Variants in RNGTT observed in about 807,000 individuals in gnomAD.
RNGTT encodes the protein mRNA-capping enzyme.
RNGTT carries 33 observed loss-of-function variants against 79.3 expected under a neutral mutation model. The observed-to-expected ratio is 0.42, with a 90% confidence interval of 0.32 to 0.56. The LOEUF is 0.56. Ranked by LOEUF, RNGTT falls within the 20% of genes least tolerant of loss-of-function variation. The probability of loss-of-function intolerance (pLI) is 0.17; values close to 1 mark genes in which losing one functional copy is unlikely to be tolerated. For synonymous variants in RNGTT, 222 were observed against 235.9 expected (o/e 0.94, Z 0.54); for missense variants, 497 against 739.1 (o/e 0.67, Z 3.80).
chr6:88,913,113 G>A (rs1783880369), intron 4 of RNGTT, among the ~76,000 whole-genome samples: 1 of 151,000 alleles, frequency 6.6e-6, no homozygotes, highest in African/African-American at 2.4e-5. Flanking sequence ...GCTGAGGCAT[G>A]AGAATTGCTT....
intron 13 of RNGTT, among the ~76,000 whole-genome samples, chr6:88,688,517 T>C (rs570302328): frequency 2.0e-5 from 3 of 152,226 alleles, no homozygotes; most frequent in Admixed American, 2.0e-4. Flanking sequence ...CAGGGCTCCT[T>C]AGAGAAACAG....
intron 8 of RNGTT, among the ~76,000 whole-genome samples, chr6:88,870,625 A>G (rs1407472242): frequency 1.3e-5 from 2 of 152,240 alleles, no homozygotes; most frequent in Non-Finnish European, 2.9e-5. Context: ...AAACACTTCT[A>G]GGGACTTTAA....
chr6:88,713,363 C>T (rs1022351057), intron 13 of RNGTT, among the ~76,000 whole-genome samples: 2 of 151,840 alleles, frequency 1.3e-5, no homozygotes, highest in African/African-American at 4.8e-5. Flanking sequence ...GTTTAAGTTA[C>T]CCAGTCTATG....
Position 88,700,495 on chromosome 6 carries a change from T to C in RNGTT, c.1440-22076A>G, listed in dbSNP as rs540662097. Among the ~76,000 whole-genome samples, 21 of 152,252 alleles carry C rather than the reference T, an allele frequency of 1.4e-4. No individual in the cohort carries two copies. The East Asian group carries it at 3.7e-3, about 27-fold the overall frequency. The stretch of plus-strand genomic sequence containing the variant: ...TCTTTTTTCTTTCTTTTCTCAAGGA[T>C]CTGTAATCTCTTATTTTCTTCCATT... On this transcript the variant is annotated intron_variant, in intron 13 of 15. Transcript: ENST00000369485.
intron 12 of RNGTT, among the ~76,000 whole-genome samples, chr6:88,797,463 A>G (rs1426829708): frequency 2.0e-5 from 3 of 152,166 alleles, no homozygotes; most frequent in Non-Finnish European, 2.9e-5. Context: ...CCTGGATGAA[A>G]TAGTGAAAAG....
rs1432679585 is a variant in RNGTT, at chr6:88,706,420, T to G, written c.1440-28001A>C. ...GGGAAGAAAAAAAGACACTGTAAAT[T>G]TATCTATTTTATATAAATAACTTAG... On this transcript the variant is annotated intron_variant, in intron 13 of 15. Transcript: ENST00000369485. Among the ~76,000 whole-genome samples the G allele has an allele frequency of 3.3e-5, 5 of 152,020 alleles. 1 individual carries two copies. Among genetic ancestry groups the G allele is most frequent in the African/African-American group, 1.2e-4 (5 of 41,368 alleles).
chr6:88,799,427 G>A (rs550852113), intron 12 of RNGTT, among the ~76,000 whole-genome samples: 41 of 152,068 alleles, frequency 2.7e-4, no homozygotes, highest in Middle Eastern at 3.4e-3. Context: ...GGCCCGGCGC[G>A]GTGGCTCACA....
intron 1 of RNGTT, among the ~76,000 whole-genome samples, chr6:88,948,573 T>G (rs1322164542): frequency 1.3e-4 from 18 of 135,630 alleles, no homozygotes; most frequent in South Asian, 2.4e-4. Flanking sequence ...GGGAAGTGAG[T>G]AGCCCCTCTG....
intron 13 of RNGTT, among the ~76,000 whole-genome samples, chr6:88,725,848 A>G (rs1199970488): frequency 6.6e-6 from 1 of 152,166 alleles, no homozygotes; most frequent in Admixed American, 6.5e-5. Flanking sequence ...GAACAGCAGC[A>G]TAAGCGGCTG....
At chr6:88,667,696 G>A (rs1774470134) in intron 14 of RNGTT, among the ~76,000 whole-genome samples, 1 of 152,306 alleles carries the variant, frequency 6.6e-6, no homozygotes, top group South Asian at 2.1e-4. Flanking sequence ...CTCAGACAAT[G>A]GGCCGGCATT....
intron 14 of RNGTT, among the ~76,000 whole-genome samples, chr6:88,632,729 C>T (rs1015064863): frequency 6.6e-6 from 1 of 151,792 alleles, no homozygotes; most frequent in African/African-American, 2.4e-5. Flanking sequence ...GGAAAAAAAT[C>T]TCACAGAATA....
chr6:88,913,751 A>G (rs1202268244), intron 4 of RNGTT, among the ~76,000 whole-genome samples: 1 of 152,184 alleles, frequency 6.6e-6, no homozygotes, highest in Non-Finnish European at 1.5e-5. Context: ...AGCCAACATA[A>G]TACTGAACAG....
chr6:88,824,548 C>T (rs1015772040), intron 11 of RNGTT, among the ~76,000 whole-genome samples: 12 of 152,080 alleles, frequency 7.9e-5, no homozygotes, highest in Non-Finnish European at 1.6e-4. Flanking sequence ...AAATCTAGTT[C>T]CCTCAGCTGC....
chr6:88,716,955 CTT>C (rs978199789), intron 13 of RNGTT, among the ~76,000 whole-genome samples: 3 of 152,122 alleles, frequency 2.0e-5, no homozygotes, highest in African/African-American at 7.2e-5. Flanking sequence ...TACCCTAAAA[CTT>C]AAAGTATAAT....
chr6:88,787,833 T>TA (rs1330262615), intron 12 of RNGTT, among the ~76,000 whole-genome samples: 2 of 151,960 alleles, frequency 1.3e-5, no homozygotes, highest in South Asian at 2.1e-4. Context: ...AAGAGATACT[T>TA]AAAAGATAAA....
At chr6:88,666,630 G>A (rs1035322121) in intron 14 of RNGTT, among the ~76,000 whole-genome samples, 1 of 152,182 alleles carries the variant, frequency 6.6e-6, no homozygotes, top group African/African-American at 2.4e-5. Flanking sequence ...ACTGTGTAGA[G>A]GTGTTGGACT....
At chr6:88,709,117 G>A (rs1254426827) in intron 13 of RNGTT, among the ~76,000 whole-genome samples, 1 of 152,086 alleles carries the variant, frequency 6.6e-6, no homozygotes, top group Non-Finnish European at 1.5e-5. Context: ...AGACCAGTCT[G>A]ACGAACATGG....
At chr6:88,798,492 C>G (rs528574190) in intron 12 of RNGTT, among the ~76,000 whole-genome samples, 1 of 150,824 alleles carries the variant, frequency 6.6e-6, no homozygotes, top group Non-Finnish European at 1.5e-5. Context: ...GAAAAATGAA[C>G]TGTAAGAAAT....
intron 14 of RNGTT, among the ~76,000 whole-genome samples, chr6:88,655,555 C>A (rs1266228052): frequency 6.6e-6 from 1 of 152,082 alleles, no homozygotes; most frequent in Non-Finnish European, 1.5e-5. Flanking sequence ...AGGGACAGAA[C>A]CAGACTGAGG....
Sources: gnomAD v4.1 joint callset for allele counts (sites outside exome capture counted in the v4.1 genomes callset) on GRCh38, gnomAD v4.1.1 for gene constraint, MANE v1.5 for transcripts, NCBI Gene and HGNC (gene_info 2026-07-23, HGNC 2026-07-21) for gene names.